The following KIF2A variants were observed in gnomAD, a reference collection of about 807,000 sequenced individuals.
The protein encoded by KIF2A is kinesin family member 2A, also known as kinesin-like protein KIF2A.
Under a neutral mutation model 100.2 loss-of-function variants are expected in KIF2A, and 22 were observed. The observed-to-expected ratio is 0.22, with a 90% CI of 0.16 to 0.31. The LOEUF is 0.31. KIF2A is among the 10% of genes least tolerant of loss of function. The pLI is 1.00. For synonymous variants in KIF2A, 268 were observed against 285.9 expected, an observed-to-expected ratio of 0.94 and a Z score of 0.63; for missense variants, 495 against 898.7, an observed-to-expected ratio of 0.55 and a Z score of 5.74.
chr5:62,378,253 A>T (rs1741627992), intron 19 of KIF2A, among the ~76,000 whole-genome samples: 1 of 152,208 alleles, frequency 6.6e-6, no homozygotes, highest in Non-Finnish European at 1.5e-5. Flanking sequence ...GTAACTCCTT[A>T]GGCATTCATT....
At chr5:62,380,707 CG>C (rs1216104742) in intron 19 of KIF2A, among the ~76,000 whole-genome samples, 2 of 152,128 alleles carry the variant, frequency 1.3e-5, no homozygotes, top group East Asian at 3.9e-4. Context: ...TTAAGAAAAT[CG>C]TAAGAAAGGA....
chr5:62,370,900 A>G (rs1274025034), intron 16 of KIF2A, among the ~76,000 whole-genome samples: 1 of 152,116 alleles, frequency 6.6e-6, no homozygotes, highest in Non-Finnish European at 1.5e-5. Flanking sequence ...GGATGAAGCT[A>G]ATAGGGTGTC....
Position 62,353,379 on chromosome 5 carries a change from C to T in KIF2A, c.558+4C>T, listed in dbSNP as rs151192663. ...ACTTAGAGAAAAAAGAGCCCAGGTTCGTAACATAAACATATATTTTGTTTA... is the reference window on the plus strand; with the variant it reads ...ACTTAGAGAAAAAAGAGCCCAGGTTTGTAACATAAACATATATTTTGTTTA... On this transcript the variant is annotated splice_donor_region_variant and intron_variant, in intron 6 of 20. Transcript: ENST00000407818. 6.3e-5 allele frequency: 93 copies of T among 1,476,754 alleles called. No individual in the cohort carries two copies. Among genetic ancestry groups the T allele is most frequent in the African/African-American group, 1.6e-4 (11 of 69,852 alleles). 91.5% of individuals were successfully genotyped at this position (1,476,754 alleles called of 1,614,324 possible). A position where few individuals can be genotyped will look rare whatever the true frequency, so the allele number is the denominator to read the frequency against.
chr5:62,350,834 C>T lies in KIF2A; in HGVS notation c.334+714C>T, dbSNP rs180989492. On this transcript the variant is annotated intron_variant, in intron 4 of 20. Transcript: ENST00000407818. ...GGCTGAGGCAGGAGAATTGCTTGAA[C>T]CTGGGAGGCAGAGGTTGCAGTAAGC... Among the ~76,000 whole-genome samples the T allele has an allele frequency of 4.8e-3, 729 of 151,760 alleles. 4 individuals carry two copies. Among genetic ancestry groups the T allele is most frequent in the African/African-American group, 0.017 (689 of 41,364 alleles).
At chr5:62,360,609 C>G (rs1241078758) in intron 9 of KIF2A, among the ~76,000 whole-genome samples, 1 of 151,802 alleles carries the variant, frequency 6.6e-6, no homozygotes, top group African/African-American at 2.4e-5. Context: ...CACTTGAACC[C>G]GGGAGGCGGA....
Position 62,373,775 on chromosome 5 carries a change from A to G in KIF2A, c.1849A>G (p.Thr617Ala). Residue 617 changes from threonine to alanine, a missense_variant, in exon 18 of 21, where the codon ACA (threonine) becomes GCA (alanine). Thr to Ala is a moderately conservative substitution (Grantham distance 58, BLOSUM62 0). Transcript: ENST00000407818. ...HPPNQIDDLE[T>A]QWGVGSSPQR... ...ACCAAACCAGATTGATGACTTAGAGACACAGTGGGGTGTGGGGAGTTCCCC... is the reference window on the plus strand; with the variant it reads ...ACCAAACCAGATTGATGACTTAGAGGCACAGTGGGGTGTGGGGAGTTCCCC... 6.2e-7 allele frequency: 1 copy of G among 1,613,338 alleles called. No individual in the cohort carries two copies. Among genetic ancestry groups the G allele is most frequent in the Non-Finnish European group, 8.5e-7 (1 of 1,179,266 alleles).
Position 62,362,478 on chromosome 5 carries a change from G to T in KIF2A, c.1056G>T (p.Lys352Asn). The change falls in exon 12 of 21, where the codon AAG (lysine) becomes AAT (asparagine). Residue 352 changes from lysine (K) to asparagine (N), a missense_variant. Physicochemically the swap from Lys to Asn is moderately conservative, Grantham distance 94. This residue lies in a region of KIF2A where 22 missense variants were observed against 19.3 expected (regional missense o/e 1.14). Transcript: ENST00000407818. ...AARDVFLMLK[K>N]PNYKKLELQV... ...GAGATGTCTTTTTAATGCTAAAGAA[G>T]CCAAACTATAAGAAGCTAGAACTTC... 1 of 1,463,754 alleles carries T rather than the reference G, an allele frequency of 6.8e-7. No individual in the cohort carries two copies. Among genetic ancestry groups the T allele is most frequent in the Non-Finnish European group, 9.0e-7 (1 of 1,109,208 alleles). 90.7% of individuals were successfully genotyped at this position (1,463,754 alleles called of 1,614,324 possible). A position where few individuals can be genotyped will look rare whatever the true frequency, so the allele number is the denominator to read the frequency against.
At chr5:62,349,931 G>A in intron 3 of KIF2A, 135 bp from the exon 4 acceptor site, 1 of 595,972 alleles carries the variant, frequency 1.7e-6, no homozygotes, top group Non-Finnish European at 3.0e-6. Context: ...AATTCATTAA[G>A]ATTATAGTTT....
intron 1 of KIF2A, among the ~76,000 whole-genome samples, chr5:62,316,333 G>A (rs188732347): frequency 1.1e-3 from 174 of 152,284 alleles, no homozygotes; most frequent in African/African-American, 3.8e-3. Flanking sequence ...CTCTTTAAGG[G>A]ATGAGGTGTT....
chr5:62,342,737 T>G (rs566109972), intron 1 of KIF2A, among the ~76,000 whole-genome samples: 1 of 151,614 alleles, frequency 6.6e-6, no homozygotes, highest in South Asian at 2.1e-4. Context: ...AAGTTTTCAT[T>G]ATTTTTTATT....
chr5:62,369,287 C>A (rs890718784), intron 16 of KIF2A, among the ~76,000 whole-genome samples: 1 of 152,170 alleles, frequency 6.6e-6, no homozygotes, highest in Non-Finnish European at 1.5e-5. Context: ...ACTCACAGTT[C>A]AGCATGGCCA....
At chr5:62,346,569 G>A (rs926587249) in intron 1 of KIF2A, among the ~76,000 whole-genome samples, 7 of 152,066 alleles carry the variant, frequency 4.6e-5, no homozygotes, top group African/African-American at 7.2e-5. Context: ...GTGAAACCCC[G>A]TCCCTACTAA....
intron 20 of KIF2A, among the ~76,000 whole-genome samples, chr5:62,383,746 T>A (rs1262438029): frequency 6.6e-6 from 1 of 152,236 alleles, no homozygotes; most frequent in Non-Finnish European, 1.5e-5. Flanking sequence ...CACAATCAGC[T>A]TCTGTATCCA....
intron 1 of KIF2A, among the ~76,000 whole-genome samples, chr5:62,319,517 C>T (rs190376344): frequency 1.0e-3 from 154 of 152,216 alleles, no homozygotes; most frequent in Non-Finnish European, 1.8e-3. Context: ...TTATGAGTGG[C>T]GAGTCCCCTT....
intron 1 of KIF2A, among the ~76,000 whole-genome samples, chr5:62,346,338 A>T (rs904078945): frequency 6.6e-6 from 1 of 152,158 alleles, no homozygotes; most frequent in African/African-American, 2.4e-5. Context: ...GCATTTCCCA[A>T]CCTTTTTGGA....
intron 1 of KIF2A, among the ~76,000 whole-genome samples, chr5:62,332,670 G>A (rs6449596): frequency 2.6e-5 from 4 of 151,908 alleles, no homozygotes; most frequent in African/African-American, 7.3e-5. Flanking sequence ...ATGGTTGAAT[G>A]TAGACTAAAT....
intron 1 of KIF2A, among the ~76,000 whole-genome samples, chr5:62,344,830 T>C (rs1168579273): frequency 6.6e-6 from 1 of 152,224 alleles, no homozygotes; most frequent in East Asian, 1.9e-4. Flanking sequence ...GTATTTTAGT[T>C]TTTTCTTTAA....
At chr5:62,335,796 C>T (rs1347959349) in intron 1 of KIF2A, among the ~76,000 whole-genome samples, 1 of 152,142 alleles carries the variant, frequency 6.6e-6, no homozygotes, top group East Asian at 1.9e-4. Flanking sequence ...TTACCCCTAA[C>T]AGATGACATT....
chr5:62,365,711 G>C (rs1741034678), intron 15 of KIF2A, among the ~76,000 whole-genome samples: 1 of 152,056 alleles, frequency 6.6e-6, no homozygotes, highest in East Asian at 1.9e-4. Flanking sequence ...ACTGGATTCT[G>C]TTATGTTCTT....
Sources: gnomAD v4.1 joint callset for allele counts (sites outside exome capture counted in the v4.1 genomes callset) on GRCh38, gnomAD v4.1.1 for gene constraint, gnomAD v4.1.1 regional missense constraint, MANE v1.5 for transcripts, NCBI Gene and HGNC (gene_info 2026-07-23, HGNC 2026-07-21) for gene names.